ANKS1B: variants seen among roughly 807,000 people sequenced by gnomAD.
ANKS1B encodes the protein ankyrin repeat and sterile alpha motif domain containing 1B, also known as ankyrin repeat and sterile alpha motif domain-containing protein 1B.
A neutral mutation model predicts 148.3 loss-of-function variants in ANKS1B; 36 were observed. That is an observed-to-expected ratio of 0.24 (90% CI 0.19 to 0.32). The LOEUF (loss-of-function observed/expected upper bound fraction) is 0.32, where lower values mean the gene tolerates loss of function less well. Ranked by LOEUF, ANKS1B falls within the 10% of genes least tolerant of loss-of-function variation. The pLI is 1.00. For missense variants in ANKS1B, 1,157 were observed against 1,542.6 expected, an observed-to-expected ratio of 0.75 and a Z score of 4.19; for synonymous variants, 542 against 560.8, an observed-to-expected ratio of 0.97 and a Z score of 0.47.
At chr12:99,152,973 A>T (rs2075331482) in intron 15 of ANKS1B, among the ~76,000 whole-genome samples, 1 of 152,170 alleles carries the variant, frequency 6.6e-6, no homozygotes, top group Non-Finnish European at 1.5e-5. Context: ...TCTTGTCTAT[A>T]TAACCAGTGA....
At chr12:99,705,213 A>G (rs369022044) in intron 8 of ANKS1B, among the ~76,000 whole-genome samples, 1 of 152,286 alleles carries the variant, frequency 6.6e-6, no homozygotes. Context: ...TCCGTCCCTC[A>G]ATCTTGCAAA....
intron 9 of ANKS1B, among the ~76,000 whole-genome samples, chr12:99,563,557 T>C (rs1028322506): frequency 6.6e-6 from 1 of 152,104 alleles, no homozygotes; most frequent in Admixed American, 6.6e-5. Flanking sequence ...CACAGTTGTG[T>C]CACCCCAAAA....
chr12:98,966,409 G>C (rs1183883692), intron 17 of ANKS1B, among the ~76,000 whole-genome samples: 1 of 152,196 alleles, frequency 6.6e-6, no homozygotes, highest in Non-Finnish European at 1.5e-5. Context: ...ACAGGTGCCG[G>C]AGAGGCTGTG....
chr12:99,156,972 T>C (rs1476889582), intron 14 of ANKS1B, among the ~76,000 whole-genome samples: 1 of 152,210 alleles, frequency 6.6e-6, no homozygotes, highest in Non-Finnish European at 1.5e-5. Context: ...TTATTTAAAA[T>C]AAGATAACTT....
downstream of ANKS1B, among the ~76,000 whole-genome samples, chr12:98,742,220 G>A (rs1050536253): frequency 3.9e-5 from 6 of 152,312 alleles, no homozygotes; most frequent in East Asian, 1.9e-4. Context: ...GGCTGCAGTC[G>A]CCACCTTCCG....
rs896081985 is a variant in ANKS1B at position 99,408,393 on chromosome 12, T to C, written c.1576-8582A>G. ...AATCTAAGACCTCAAACTACAAAAC[T>C]ACTAAAAGAAAGCATCAGGGAAGCT... On this transcript the variant is annotated intron_variant, in intron 11 of 26. Transcript: ENST00000683438. Among the ~76,000 whole-genome samples the C allele has an allele frequency of 3.4e-5, 5 of 145,660 alleles. 2 individuals carry two copies. The highest frequency in any genetic ancestry group is 1.3e-4 in the African/African-American group (5 of 38,380).
At chr12:99,379,595 A>C (rs1486231004) in intron 12 of ANKS1B, among the ~76,000 whole-genome samples, 3 of 152,256 alleles carry the variant, frequency 2.0e-5, no homozygotes, top group African/African-American at 7.2e-5. Context: ...CTGGGAGTTC[A>C]AAAATGAATC....
chr12:99,208,239 C>T (rs117811720), intron 14 of ANKS1B, among the ~76,000 whole-genome samples: 51 of 152,072 alleles, frequency 3.4e-4, no homozygotes, highest in Non-Finnish European at 6.3e-4. Context: ...AGAGTTTTTC[C>T]TACAACTAGG....
intron 9 of ANKS1B, among the ~76,000 whole-genome samples, chr12:99,650,206 C>G (rs1330184976): frequency 2.9e-4 from 33 of 113,478 alleles, no homozygotes. Context: ...TTGAAGATTA[C>G]TCTCAGATAT....
chr12:98,992,084 T>C (rs961088211), intron 17 of ANKS1B, among the ~76,000 whole-genome samples: 3 of 152,204 alleles, frequency 2.0e-5, no homozygotes, highest in Non-Finnish European at 4.4e-5. Context: ...CTTAAACTGA[T>C]GGATAGGACC....
At chr12:99,022,254 G>T (rs2099946231) in intron 17 of ANKS1B, among the ~76,000 whole-genome samples, 1 of 152,108 alleles carries the variant, frequency 6.6e-6, no homozygotes, top group Non-Finnish European at 1.5e-5. Flanking sequence ...CCTTCATTGT[G>T]TTTTACCATT....
intron 11 of ANKS1B, among the ~76,000 whole-genome samples, chr12:99,417,647 C>A (rs1052528189): frequency 6.6e-6 from 1 of 152,102 alleles, no homozygotes; most frequent in Non-Finnish European, 1.5e-5. Context: ...CAATTTACAT[C>A]TTTGCTACAC....
At chr12:98,856,594 T>G (rs948946373) in intron 17 of ANKS1B, among the ~76,000 whole-genome samples, 8 of 152,322 alleles carry the variant, frequency 5.3e-5, no homozygotes, top group Middle Eastern at 3.4e-3. Flanking sequence ...GTTCCCCTTC[T>G]CTTCTGTTTT....
intron 8 of ANKS1B, among the ~76,000 whole-genome samples, chr12:99,662,839 G>A (rs886806327): frequency 6.6e-6 from 1 of 151,744 alleles, no homozygotes; most frequent in Non-Finnish European, 1.5e-5. Context: ...TGGGTAGAAG[G>A]GTGCTTTTCA....
chr12:99,659,012 T>C (rs1204627645), intron 8 of ANKS1B, among the ~76,000 whole-genome samples: 1 of 152,204 alleles, frequency 6.6e-6, no homozygotes, highest in East Asian at 1.9e-4. Context: ...ATTATTTTCA[T>C]TTGACTACCT....
intron 17 of ANKS1B, among the ~76,000 whole-genome samples, chr12:98,868,049 C>T (rs1476822639): frequency 6.6e-6 from 1 of 152,124 alleles, no homozygotes; most frequent in Non-Finnish European, 1.5e-5. Context: ...ACCACAGTCC[C>T]AAACACCTCC....
At chr12:99,469,143 A>T (rs1419056278) in intron 10 of ANKS1B, among the ~76,000 whole-genome samples, 1 of 152,026 alleles carries the variant, frequency 6.6e-6, no homozygotes, top group Admixed American at 6.6e-5. Context: ...CTTTGTAGGG[A>T]CATGGATGAA....
At chr12:99,193,744 T>C (rs2081031933) in intron 14 of ANKS1B, among the ~76,000 whole-genome samples, 3 of 151,054 alleles carry the variant, frequency 2.0e-5, no homozygotes, top group Non-Finnish European at 4.4e-5. Context: ...AGCCACTGAA[T>C]CTCTGGGGAC....
chr12:99,543,662 T>C (rs1365275656), intron 9 of ANKS1B, among the ~76,000 whole-genome samples: 1 of 152,180 alleles, frequency 6.6e-6, no homozygotes, highest in Non-Finnish European at 1.5e-5. Context: ...TTTTACTATA[T>C]GGATAAATTT....
Sources: gnomAD v4.1 joint callset for allele counts (sites outside exome capture counted in the v4.1 genomes callset) on GRCh38, gnomAD v4.1.1 for gene constraint, MANE v1.5 for transcripts, NCBI Gene and HGNC (gene_info 2026-07-23, HGNC 2026-07-21) for gene names.